KIF18B: variants seen among roughly 807,000 people sequenced by gnomAD.
The protein encoded by KIF18B is kinesin family member 18B.
A neutral mutation model predicts 80.9 loss-of-function variants in KIF18B; 49 were observed. The ratio of observed to expected loss-of-function variants is 0.61; its 90% CI spans 0.48 to 0.77. The LOEUF is 0.77. Ranked by LOEUF, KIF18B falls within the 30% of genes least tolerant of loss-of-function variation. The pLI is 0.00. For missense variants in KIF18B, 994 were observed against 1,127.7 expected (o/e 0.88, Z 1.70); for synonymous variants, 439 against 463.9 (o/e 0.95, Z 0.69).
At chr17:44,926,844 T>C in intron 14 of KIF18B, 145 bp downstream of exon 14, 1 of 709,120 alleles carries the variant, frequency 1.4e-6, no homozygotes, top group Non-Finnish European at 2.4e-6. Context: ...GAGAACTAGA[T>C]GCGGGCCCTG....
At chr17:44,932,565 T>TAA in intron 9 of KIF18B, 108 bp downstream of exon 9, 1 of 729,452 alleles carries the variant, frequency 1.4e-6, no homozygotes, top group East Asian at 2.5e-5. Context: ...CCCTAGGGAT[T>TAA]GGAGCAGAAG....
At position 44,947,113 on chromosome 17, in the gene KIF18B, C is replaced by CAAAAAAAAAAAAAAAAAA. The variant is rs57955845; in HGVS notation, c.-15+497_-15+514dup. Among the ~76,000 whole-genome samples the CAAAAAAAAAAAAAAAAAA allele has an allele frequency of 5.7e-4, 31 of 54,008 alleles. 1 individual carries two copies. The highest frequency in any genetic ancestry group is 1.9e-3 in the African/African-American group (29 of 15,388). The allele number at this position is 54,008 out of a possible 152,430, so 35.4% of individuals were successfully genotyped here. A position where few individuals can be genotyped will look rare whatever the true frequency, so the allele number is the denominator to read the frequency against. ...GACAGAGAGAGAGAGACTCCATCTC[C>CAAAAAAAAAAAAAAAAAA]AAAAAAAAAAAAAAAAAAAAAAAAA... On this transcript the variant is annotated intron_variant, in intron 1 of 15. Transcript: ENST00000593135.
At position 44,936,198 on chromosome 17, in the gene KIF18B, G is replaced by A. The variant is rs370553252; in HGVS notation, c.147C>T (p.Phe49=). 19 of 1,612,196 alleles carry A rather than the reference G, an allele frequency of 1.2e-5. No homozygotes were observed. The highest frequency in any genetic ancestry group is 1.4e-5 in the Non-Finnish European group (17 of 1,179,362). ...GGGTGCCACCCCATTTCAGGCCAGG[G>A]AACCCTCCATCGGGCTCCTCAGGGT... ...VFNPEEPDGG[F]PGLKWGGTHD... The change falls in exon 2 of 16, where the codon TTC becomes TTT. Residue 49 remains phenylalanine (F), a synonymous_variant. Transcript: ENST00000593135.
chr17:44,934,902 G>C lies in KIF18B; in HGVS notation c.505C>G (p.Pro169Ala). The C allele has an allele frequency of 6.4e-7, 1 of 1,551,572 alleles. No individual in the cohort carries two copies. ...TCGCGGATGGCAAGGGGCCCCTTGG[G>C]CTCCAGGAGGTCATGGATCTGTTCA... ...YNEQIHDLLE[P>A]KGPLAIREDP... Residue 169 changes from proline to alanine, a missense_variant, in exon 4 of 16, where the codon CCC becomes GCC. By Grantham distance (27) the Pro-to-Ala change is conservative (BLOSUM62 -1). Coordinates refer to ENST00000593135, the MANE Select transcript of KIF18B (RefSeq NM_001265577.2). This position sits in a 1 kb window ranked among gnomAD's most constrained non-coding sequence, Gnocchi z 5.4.
intron 14 of KIF18B, 54 bp from the exon 15 acceptor site, chr17:44,926,553 G>A (rs745509172): frequency 3.4e-6 from 5 of 1,479,444 alleles, no homozygotes; most frequent in South Asian, 2.7e-5. Context: ...TCTGGACTAT[G>A]GGTGTGCATT....
chr17:44,938,024 A>T (rs190763572), intron 1 of KIF18B, among the ~76,000 whole-genome samples: 14,499 of 150,202 alleles, frequency 0.097, 852 homozygotes, highest in Middle Eastern at 0.19. Flanking sequence ...ACACATATAT[A>T]TTTTTTTTGA....
chr17:44,947,313 G>A (rs1455853821), intron 1 of KIF18B, among the ~76,000 whole-genome samples: 2 of 152,012 alleles, frequency 1.3e-5, no homozygotes, highest in African/African-American at 2.4e-5. Context: ...GACCTTTCAC[G>A]GGGCCGACGT....
Position 44,928,976 on chromosome 17 carries a change from G to C in KIF18B, c.1566C>G (p.Leu522=), listed in dbSNP as rs756302263. Residue 522 remains leucine, a synonymous_variant, in exon 12 of 16, where the codon CTC becomes CTG. Coordinates refer to ENST00000593135, the MANE Select transcript of KIF18B (RefSeq NM_001265577.2). ...LCVAQRQYSL[L]QAANLLTPDM... ...CGGGCGTCAGGAGGTTGGCTGCTTG[G>C]AGCAGGGAGTACTGCCGCTGGGCAA... 1.2e-6 allele frequency: 2 copies of C among 1,614,034 alleles called. No homozygotes were observed. The highest frequency in any genetic ancestry group is 1.1e-5 in the South Asian group (1 of 91,088).
rs1322730686 is a variant in KIF18B at position 44,928,394 on chromosome 17, C to T, written c.1908G>A (p.Glu636=). Reference sequence around the variant, plus strand: ...GCTTTGGGGCCATGGGACTGTCTGCCTCCAAGGCGCTTGGTCTCCTCCTCT... The same window carrying T: ...GCTTTGGGGCCATGGGACTGTCTGCTTCCAAGGCGCTTGGTCTCCTCCTCT... ...EKKRRRPSAL[E]ADSPMAPKRG... The change falls in exon 13 of 16, where the codon GAG becomes GAA. Residue 636 remains glutamate, a synonymous_variant. Transcript: ENST00000593135. 1.3e-6 allele frequency: 2 copies of T among 1,563,070 alleles called. No individual in the cohort carries two copies. The highest frequency in any genetic ancestry group is 2.3e-5 in the South Asian group (2 of 85,706).
Position 44,934,974 on chromosome 17 carries a change from GC to G in KIF18B, c.472-40del. ...AAAGGAAGAGGCCTGAGGGAGAGCG[GC>G]CCATCAGGAAACCTCTCCCTAGCGG... On this transcript the variant is annotated intron_variant, in intron 3 of 15. Coordinates refer to ENST00000593135, the MANE Select transcript of KIF18B (RefSeq NM_001265577.2). This position sits in a 1 kb window ranked among gnomAD's most constrained non-coding sequence, Gnocchi z 5.4. 1 of 1,394,868 alleles carries G rather than the reference GC, an allele frequency of 7.2e-7. No individual in the cohort carries two copies. 86.4% of individuals were successfully genotyped at this position (1,394,868 alleles called of 1,614,324 possible). A position where few individuals can be genotyped will look rare whatever the true frequency, so the allele number is the denominator to read the frequency against.
At chr17:44,937,751 A>G (rs765896595) in intron 1 of KIF18B, among the ~76,000 whole-genome samples, 7 of 152,074 alleles carry the variant, frequency 4.6e-5, no homozygotes, top group Non-Finnish European at 7.4e-5. Context: ...TTTCTTGTCT[A>G]TTGCAGTCTC....
rs781348504 is a variant in KIF18B at position 44,939,366 on chromosome 17, C to CAAAAAAAAAAAAAAAAAAA, written c.-14-3027_-14-3009dup. Among the ~76,000 whole-genome samples, 16 of 36,952 alleles carry CAAAAAAAAAAAAAAAAAAA rather than the reference C, an allele frequency of 4.3e-4. 2 individuals are homozygous for CAAAAAAAAAAAAAAAAAAA. Among genetic ancestry groups the CAAAAAAAAAAAAAAAAAAA allele is most frequent in the Admixed American group, 1.3e-3 (3 of 2,248 alleles). 24.2% of individuals were successfully genotyped at this position (36,952 alleles called of 152,430 possible). The stretch of plus-strand genomic sequence containing the variant: ...AGCCTGGGTGACAGAGACTCCATCT[C>CAAAAAAAAAAAAAAAAAAA]AAAAAAAAAAAAAAAAAAAAAAAAA... On this transcript the variant is annotated intron_variant, in intron 1 of 15. Coordinates refer to ENST00000593135, the MANE Select transcript of KIF18B (RefSeq NM_001265577.2).
Position 44,934,108 on chromosome 17 carries a change from C to T in KIF18B, c.886-9G>A. 1 of 1,611,606 alleles carries T rather than the reference C, an allele frequency of 6.2e-7. No individual in the cohort carries two copies. Among genetic ancestry groups the T allele is most frequent in the Non-Finnish European group, 8.5e-7 (1 of 1,179,028 alleles). On this transcript the variant is annotated splice_polypyrimidine_tract_variant and intron_variant, in intron 6 of 15. Coordinates refer to ENST00000593135, the MANE Select transcript of KIF18B (RefSeq NM_001265577.2). This position sits in a 1 kb window ranked among gnomAD's most constrained non-coding sequence, Gnocchi z 5.4. ...ACATGGGTCTTGCGGCCCTGGGGGG[C>T]AGTAAGCAGGTGTGGGGTGAGGCGA...
intron 2 of KIF18B, 81 bp from the exon 3 acceptor site, chr17:44,935,497 C>T: frequency 7.1e-7 from 1 of 1,413,252 alleles, no homozygotes; most frequent in Non-Finnish European, 9.6e-7. Flanking sequence ...AAGCCCCTTT[C>T]CTTTTCCTCC....
At chr17:44,937,291 G>A (rs1419411681) in intron 1 of KIF18B, among the ~76,000 whole-genome samples, 2 of 152,020 alleles carry the variant, frequency 1.3e-5, no homozygotes, top group African/African-American at 2.4e-5. Context: ...TTACATTTAC[G>A]TATTTATTAT....
At chr17:44,936,564 CT>C (rs2052299932) in intron 1 of KIF18B, among the ~76,000 whole-genome samples, 1 of 34,460 alleles carries the variant, frequency 2.9e-5, no homozygotes, top group Non-Finnish European at 6.3e-5. Flanking sequence ...GACTCTCTCT[CT>C]CTCTCTCTCT....
intron 1 of KIF18B, among the ~76,000 whole-genome samples, chr17:44,943,043 C>G (rs190707969): frequency 6.6e-6 from 1 of 152,162 alleles, no homozygotes; most frequent in Non-Finnish European, 1.5e-5. Context: ...AAGAACAGCA[C>G]CCCCGATCCA....
rs1219624184 is a variant in KIF18B at position 44,947,143 on chromosome 17, T to A, written c.-15+485A>T. On this transcript the variant is annotated intron_variant, in intron 1 of 15. Coordinates refer to ENST00000593135, the MANE Select transcript of KIF18B (RefSeq NM_001265577.2). ...AAAAAAAAAAAAAAAAAAAAAAAAA[T>A]TTTACTGCGTGCCAGAGCCACCGGC... Among the ~76,000 whole-genome samples, 120 of 99,228 alleles carry A rather than the reference T, an allele frequency of 1.2e-3. 2 individuals are homozygous for A. In the East Asian group the frequency reaches 0.021, roughly 17 times the overall value. 65.1% of individuals were successfully genotyped at this position (99,228 alleles called of 152,430 possible).
At chr17:44,932,333 A>G in intron 9 of KIF18B, 127 bp from the exon 10 acceptor site, 1 of 1,050,742 alleles carries the variant, frequency 9.5e-7, no homozygotes. Context: ...CAGGTCGTAT[A>G]GAGTCCATAA....
Sources: gnomAD v4.1 joint callset for allele counts (sites outside exome capture counted in the v4.1 genomes callset) on GRCh38, gnomAD v4.1.1 for gene constraint, Gnocchi (gnomAD v3.1) non-coding constraint, MANE v1.5 for transcripts, NCBI Gene and HGNC (gene_info 2026-07-23, HGNC 2026-07-21) for gene names.